ZNF331: variants seen among roughly 807,000 people sequenced by gnomAD.
ZNF331 encodes C2H2-like zinc finger protein rearranged in thyroid adenomas.
Under a neutral mutation model 7.0 loss-of-function variants are expected in ZNF331, and 2 were observed. The ratio of observed to expected loss-of-function variants is 0.29; its 90% CI spans 0.12 to 0.90. ZNF331 has a LOEUF of 0.90. ZNF331 is among the 40% of genes least tolerant of loss of function. The pLI, the probability that ZNF331 is intolerant of heterozygous loss-of-function variation, is 0.58. For synonymous variants in ZNF331, 196 were observed against 205.4 expected (o/e 0.95, Z 0.39); for missense variants, 432 against 587.7 (o/e 0.74, Z 2.74).
intron 2 of ZNF331, among the ~76,000 whole-genome samples, chr19:53,550,844 T>A (rs1270269418): frequency 3.5e-5 from 2 of 56,686 alleles, no homozygotes; most frequent in Non-Finnish European, 6.2e-5. Context: ...GCCGTTAATC[T>A]TTTTTTTTTT....
intron 2 of ZNF331, among the ~76,000 whole-genome samples, chr19:53,528,916 C>T (rs1442427620): frequency 1.3e-5 from 2 of 151,872 alleles, no homozygotes; most frequent in Non-Finnish European, 2.9e-5. Context: ...TCCCGAGTAG[C>T]TGGGACTACA....
chr19:53,509,421 GT>G, the ZNF331 span, among the ~76,000 whole-genome samples: 1 of 150,090 alleles, frequency 6.7e-6, no homozygotes, highest in African/African-American at 2.5e-5. Context: ...ATACCCTGAG[GT>G]GGGGTCTCTC....
rs1260861391 is a variant in ZNF331, at chr19:53,539,150, C to T, written c.-204-66C>T. 6.6e-6 allele frequency: 1 copy of T among 152,152 alleles called. No individual in the cohort carries two copies. Among genetic ancestry groups the T allele is most frequent in the African/African-American group, 2.4e-5 (1 of 41,448 alleles). 9.4% of individuals were successfully genotyped at this position (152,152 alleles called of 1,614,324 possible). A position where few individuals can be genotyped will look rare whatever the true frequency, so the allele number is the denominator to read the frequency against. On this transcript the variant is annotated intron_variant, in intron 1 of 5. Transcript: ENST00000449416. The surrounding 1 kb of genome is among the most constrained non-coding windows in gnomAD (Gnocchi z 6.1). ...ATCTCCCAGAAACTCCATCTCGGGG[C>T]CTCGTATTTCTCATTGGTTTTATTA...
At chr19:53,520,343 T>C (rs1409397107), upstream of ZNF331, among the ~76,000 whole-genome samples, 1 of 152,172 alleles carries the variant, frequency 6.6e-6, no homozygotes, top group Non-Finnish European at 1.5e-5. Context: ...TCTGGTCGTT[T>C]CAGACTACAT....
intron 5 of ZNF331, among the ~76,000 whole-genome samples, chr19:53,572,227 T>C (rs1182479468): frequency 1.3e-5 from 2 of 152,114 alleles, no homozygotes; most frequent in East Asian, 3.9e-4. Flanking sequence ...ATACCTGAAG[T>C]GAGGTTGAAA....
In ZNF331 at chr19:53,546,145, A is replaced by G. The variant is rs1007285835; in HGVS notation, c.-138+6863A>G. On this transcript the variant is annotated intron_variant, in intron 2 of 5. Transcript: ENST00000449416. ...AGAAAAAGCATCCTGAGGGGGAAAAAAAAAAAAAAAAAAAAATTATTATTT... is the reference window on the plus strand; with the variant it reads ...AGAAAAAGCATCCTGAGGGGGAAAAGAAAAAAAAAAAAAAAATTATTATTT... 2.9e-5 allele frequency among the ~76,000 whole-genome samples: 3 copies of G among 104,936 alleles called. No individual in the cohort carries two copies. In the African/African-American group the frequency reaches 3.1e-4, roughly 11 times the overall value. 68.8% of individuals were successfully genotyped at this position (104,936 alleles called of 152,430 possible).
At chr19:53,547,323 A>G (rs759097543) in intron 2 of ZNF331, among the ~76,000 whole-genome samples, 3 of 152,094 alleles carry the variant, frequency 2.0e-5, no homozygotes, top group Admixed American at 6.6e-5. Context: ...ACTTAGTACA[A>G]TGTCCTCCAG....
rs1204671356 is a variant in ZNF331 at position 53,573,406 on chromosome 19, T to C, written c.136+1676T>C. Among the ~76,000 whole-genome samples, 4 of 151,970 alleles carry C rather than the reference T, an allele frequency of 2.6e-5. No homozygotes were observed. The highest frequency in any genetic ancestry group is 2.0e-4 in the Admixed American group (3 of 15,246). ...GGCGCATGCCTGTAATTCCAGCTAC[T>C]TGGGAGGCTGAGGCAGGAGAATCAC... is the stretch of plus-strand genomic sequence containing the variant. On this transcript the variant is annotated intron_variant, in intron 5 of 5. Transcript: ENST00000449416. The surrounding 1 kb of genome is among the most constrained non-coding windows in gnomAD (Gnocchi z 4.2).
upstream of ZNF331, among the ~76,000 whole-genome samples, chr19:53,516,403 T>C (rs1424430027): frequency 6.8e-6 from 1 of 147,514 alleles, no homozygotes; most frequent in Non-Finnish European, 1.5e-5. Context: ...TGAGCCGAGA[T>C]GGGCCACTGC....
At chr19:53,554,225 G>T (rs977231564) in intron 2 of ZNF331, among the ~76,000 whole-genome samples, 1 of 152,232 alleles carries the variant, frequency 6.6e-6, no homozygotes, top group African/African-American at 2.4e-5. Flanking sequence ...GGCCAAAGAA[G>T]GAAGGAGTGG....
At chr19:53,527,335 C>A (rs1050325557) in intron 2 of ZNF331, among the ~76,000 whole-genome samples, 3 of 152,050 alleles carry the variant, frequency 2.0e-5, no homozygotes, top group Admixed American at 6.6e-5. Flanking sequence ...AAGTGTATCT[C>A]AAAAATGTCC....
intron 3 of ZNF331, among the ~76,000 whole-genome samples, chr19:53,556,550 C>G (rs2089442682): frequency 6.6e-6 from 1 of 151,058 alleles, no homozygotes; most frequent in Non-Finnish European, 1.5e-5. Context: ...GTCTTGATCT[C>G]ATGAGCTCAA....
chr19:53,532,271 C>T (rs961502300), intron 2 of ZNF331, among the ~76,000 whole-genome samples: 3 of 150,264 alleles, frequency 2.0e-5, no homozygotes, highest in African/African-American at 7.3e-5. Flanking sequence ...CCTCTGGTAA[C>T]CATCATTCCA....
At chr19:53,506,456 C>CTCTCTCTCTCTG in the ZNF331 span, among the ~76,000 whole-genome samples, 1 of 102,030 alleles carries the variant, frequency 9.8e-6, no homozygotes, top group African/African-American at 4.4e-5. Context: ...CTCTCTCTCT[C>CTCTCTCTCTCTG]TCTCTCTCTC....
chr19:53,547,330 C>T lies in ZNF331; in HGVS notation c.-138+8048C>T, dbSNP rs180735061. ...CTTATTTCACTTAGTACAATGTCCTCCAGATTTACCCATGTTGTCACAATA... is the reference window on the plus strand; with the variant it reads ...CTTATTTCACTTAGTACAATGTCCTTCAGATTTACCCATGTTGTCACAATA... On this transcript the variant is annotated intron_variant, in intron 2 of 5. Coordinates refer to ENST00000449416, the MANE Select transcript of ZNF331 (RefSeq NM_001079906.2). Among the ~76,000 whole-genome samples, 4 of 152,260 alleles carry T rather than the reference C, an allele frequency of 2.6e-5. No homozygotes were observed. The East Asian group carries it at 7.7e-4, about 29-fold the overall frequency.
At position 53,566,962 on chromosome 19, in the gene ZNF331, C is replaced by CATGTGT. The variant is rs918381302; in HGVS notation, c.-73-2327_-73-2322dup. Among the ~76,000 whole-genome samples, 69 of 151,968 alleles carry CATGTGT rather than the reference C, an allele frequency of 4.5e-4. No homozygotes were observed. In the Middle Eastern group the frequency reaches 0.017, roughly 37 times the overall value. On this transcript the variant is annotated intron_variant, in intron 3 of 5. Transcript: ENST00000449416. ...CTCTCCCTCTCTCTCCATATATATA[C>CATGTGT]ATGTGTATGTGTATGTGTATATATA...
chr19:53,567,862 A>C (rs975748771), intron 3 of ZNF331, among the ~76,000 whole-genome samples: 2 of 150,944 alleles, frequency 1.3e-5, no homozygotes, highest in Admixed American at 6.6e-5. Flanking sequence ...ACAAAAAACT[A>C]TTCACTAAAA....
At chr19:53,546,162 T>TATATATATATATATATA (rs1568486289) in intron 2 of ZNF331, among the ~76,000 whole-genome samples, 10 of 97,940 alleles carry the variant, frequency 1.0e-4, no homozygotes, top group African/African-American at 2.8e-4. Flanking sequence ...AAAAAAAAAA[T>TATATATATATATATATA]TATTATTTAG....
At chr19:53,514,405 C>T in the ZNF331 span, among the ~76,000 whole-genome samples, 27 of 151,070 alleles carry the variant, frequency 1.8e-4, no homozygotes, top group African/African-American at 4.4e-4. Flanking sequence ...TTCACCATAT[C>T]GGTCAGGCTG....
Sources: allele counts gnomAD v4.1 joint callset (sites outside exome capture counted in the v4.1 genomes callset), GRCh38; gene constraint gnomAD v4.1.1; non-coding constraint Gnocchi (gnomAD v3.1); transcripts MANE v1.5; gene names NCBI Gene and HGNC (gene_info 2026-07-23, HGNC 2026-07-21).